The following PTPN1 variants were observed in gnomAD, a reference collection of about 807,000 sequenced individuals.
PTPN1 encodes tyrosine-protein phosphatase non-receptor type 1.
In PTPN1, 12 loss-of-function variants were observed where a neutral mutation model predicts 59.9. That is an observed-to-expected ratio of 0.20 (90% confidence interval 0.13 to 0.32). The LOEUF is 0.32. PTPN1 is among the 10% of genes least tolerant of loss of function. PTPN1 has a pLI of 1.00. For missense variants in PTPN1, 356 were observed against 549.2 expected, an observed-to-expected ratio of 0.65 and a Z score of 3.52; for synonymous variants, 178 against 203.6, an observed-to-expected ratio of 0.87 and a Z score of 1.07.
chr20:50,535,369 G>T (rs1359604209), intron 1 of PTPN1, among the ~76,000 whole-genome samples: 1 of 152,126 alleles, frequency 6.6e-6, no homozygotes, highest in African/African-American at 2.4e-5. Flanking sequence ...TGCCTGCGGA[G>T]CCACCCACCA....
intron 1 of PTPN1, among the ~76,000 whole-genome samples, chr20:50,534,833 C>A (rs2122741047): frequency 6.6e-6 from 1 of 152,234 alleles, no homozygotes; most frequent in Admixed American, 6.5e-5. Flanking sequence ...TCAAATGATC[C>A]TCCCACGTCA....
chr20:50,524,251 TG>T (rs1473712992), intron 1 of PTPN1, among the ~76,000 whole-genome samples: 2 of 152,186 alleles, frequency 1.3e-5, no homozygotes, highest in Non-Finnish European at 2.9e-5. Context: ...TTGTAAATTT[TG>T]TAGCCCTAGA....
intron 1 of PTPN1, among the ~76,000 whole-genome samples, chr20:50,519,991 A>G (rs546078285): frequency 1.4e-4 from 21 of 152,318 alleles, no homozygotes; most frequent in Admixed American, 2.6e-4. Context: ...GACACAGTCT[A>G]TATTCTATAC....
chr20:50,544,299 T>C (rs1340263009), intron 1 of PTPN1, among the ~76,000 whole-genome samples: 1 of 152,034 alleles, frequency 6.6e-6, no homozygotes, highest in Non-Finnish European at 1.5e-5. Context: ...CACAGACATG[T>C]ACCACCACAC....
chr20:50,545,284 G>A (rs1202991240), intron 1 of PTPN1, among the ~76,000 whole-genome samples: 6 of 152,056 alleles, frequency 3.9e-5, no homozygotes, highest in East Asian at 1.9e-4. Flanking sequence ...TAGGAATTTC[G>A]AGTCACCCTG....
chr20:50,524,312 T>A (rs182176398), intron 1 of PTPN1, among the ~76,000 whole-genome samples: 3 of 152,176 alleles, frequency 2.0e-5, no homozygotes, highest in Non-Finnish European at 4.4e-5. Flanking sequence ...ACAGGATTCA[T>A]TGAAGTGAAG....
chr20:50,572,826 G>A (rs561584362), intron 4 of PTPN1: 1 of 152,288 alleles, frequency 6.6e-6, no homozygotes, highest in South Asian at 2.1e-4. Context: ...TGGCTAAGTG[G>A]GGGTCTTGCC....
chr20:50,510,916 CTT>C (rs2082504282), intron 1 of PTPN1, among the ~76,000 whole-genome samples: 1 of 152,104 alleles, frequency 6.6e-6, no homozygotes, highest in Non-Finnish European at 1.5e-5. Flanking sequence ...CCTGTCCACT[CTT>C]TGTCCCCTGG....
At chr20:50,516,205 C>T (rs184337667) in intron 1 of PTPN1, among the ~76,000 whole-genome samples, 72 of 132,842 alleles carry the variant, frequency 5.4e-4, no homozygotes, top group African/African-American at 1.7e-3. Context: ...CATAAAATAA[C>T]GACTGTTACC....
rs2082888724 is a variant in PTPN1 at position 50,584,571 on chromosome 20, G to A, written c.*1856G>A. On this transcript the variant is annotated 3_prime_UTR_variant, in exon 10 of 10. Transcript: ENST00000371621. ...ACAAAAATAAAAACAAAAAAAGCAAGGTGTTTTGGTATAATACCTTTTCAG... is the reference window on the plus strand; with the variant it reads ...ACAAAAATAAAAACAAAAAAAGCAAAGTGTTTTGGTATAATACCTTTTCAG... 1.4e-5 allele frequency: 2 copies of A among 142,088 alleles called. No homozygotes were observed. Among genetic ancestry groups the A allele is most frequent in the Admixed American group, 7.1e-5 (1 of 14,074 alleles). 8.8% of individuals were successfully genotyped at this position (142,088 alleles called of 1,614,324 possible). A position where few individuals can be genotyped will look rare whatever the true frequency, so the allele number is the denominator to read the frequency against.
At chr20:50,548,603 A>C (rs1291468767) in intron 1 of PTPN1, among the ~76,000 whole-genome samples, 1 of 151,988 alleles carries the variant, frequency 6.6e-6, no homozygotes, top group Admixed American at 6.6e-5. Flanking sequence ...GATTTGTCTT[A>C]CTATGTTGCC....
intron 5 of PTPN1, 104 bp downstream of exon 5, chr20:50,574,758 G>C: frequency 7.1e-7 from 1 of 1,404,672 alleles, no homozygotes; most frequent in Non-Finnish European, 9.7e-7. Context: ...CCTGGCTTTT[G>C]TATACCCCGA....
chr20:50,536,666 A>C (rs1207803990), intron 1 of PTPN1, among the ~76,000 whole-genome samples: 2 of 152,206 alleles, frequency 1.3e-5, no homozygotes, highest in Non-Finnish European at 2.9e-5. Context: ...ACCACTATAC[A>C]TAGGCCCTCC....
chr20:50,565,427 C>T (rs1490254857), intron 3 of PTPN1, among the ~76,000 whole-genome samples: 2 of 152,164 alleles, frequency 1.3e-5, no homozygotes, highest in Non-Finnish European at 2.9e-5. Context: ...CTTGTGATGG[C>T]AAATCTAAGA....
rs2082886237 is a variant in PTPN1 at position 50,584,316 on chromosome 20, CTTG to C, written c.*1607_*1609del. The C allele has an allele frequency of 3.3e-5, 5 of 152,556 alleles. No individual in the cohort carries two copies. The South Asian group carries it at 1.0e-3, about 32-fold the overall frequency. The allele number at this position is 152,556 out of a possible 1,614,324, so 9.5% of individuals were successfully genotyped here. A position where few individuals can be genotyped will look rare whatever the true frequency, so the allele number is the denominator to read the frequency against. On this transcript the variant is annotated 3_prime_UTR_variant, in exon 10 of 10. Transcript: ENST00000371621. ...CAGGCTGTAAGCATTCTGAGCTGGG[CTTG>C]TTGTTTTTAAGTCCTGTATATGTAT... is the stretch of plus-strand genomic sequence containing the variant.
Position 50,583,154 on chromosome 20 carries a change from T to G in PTPN1, c.*439T>G. ...TTCCCCAAAGGCATCCATAGTGCAC[T>G]AGCATTTTCTTGAACCAATAATGTA... is the stretch of plus-strand genomic sequence containing the variant. On this transcript the variant is annotated 3_prime_UTR_variant, in exon 10 of 10. Transcript: ENST00000371621. The G allele has an allele frequency of 7.7e-5, 13 of 168,008 alleles. No individual in the cohort carries two copies. Among genetic ancestry groups the G allele is most frequent in the Non-Finnish European group, 1.3e-4 (10 of 78,024 alleles). The allele number at this position is 168,008 out of a possible 1,614,324, so 10.4% of individuals were successfully genotyped here. A position where few individuals can be genotyped will look rare whatever the true frequency, so the allele number is the denominator to read the frequency against.
chr20:50,579,046 C>A, intron 6 of PTPN1, 122 bp from the exon 7 acceptor site: 1 of 1,191,842 alleles, frequency 8.4e-7, no homozygotes, highest in Non-Finnish European at 1.2e-6. Flanking sequence ...CCCAGCCCCA[C>A]CTCCAACACT....
At chr20:50,538,675 T>G (rs1268295480) in intron 1 of PTPN1, among the ~76,000 whole-genome samples, 1 of 152,216 alleles carries the variant, frequency 6.6e-6, no homozygotes, top group Admixed American at 6.5e-5. Context: ...CTTTTGGCAT[T>G]TAGGAACATT....
chr20:50,540,446 C>A (rs1419585326), intron 1 of PTPN1, among the ~76,000 whole-genome samples: 1 of 152,210 alleles, frequency 6.6e-6, no homozygotes, highest in East Asian at 1.9e-4. Flanking sequence ...ACAACCAGCT[C>A]TTACATGAAC....
Sources: allele counts gnomAD v4.1 joint callset (sites outside exome capture counted in the v4.1 genomes callset), GRCh38; gene constraint gnomAD v4.1.1; transcripts MANE v1.5; gene names NCBI Gene and HGNC (gene_info 2026-07-23, HGNC 2026-07-21).